Variants in RBFOX1 observed in about 807,000 individuals in gnomAD.
RBFOX1 encodes the protein RNA binding fox-1 homolog 1.
RBFOX1 carries 8 observed loss-of-function variants against 57.7 expected under a neutral mutation model. The ratio of observed to expected loss-of-function variants is 0.14; its 90% CI spans 0.08 to 0.25. The LOEUF (loss-of-function observed/expected upper bound fraction) is 0.25, where lower values mean the gene tolerates loss of function less well. RBFOX1 is among the 10% of genes least tolerant of loss of function. The probability of loss-of-function intolerance (pLI) is 1.00; values close to 1 mark genes in which losing one functional copy is unlikely to be tolerated. For missense variants in RBFOX1, 611 were observed against 548.5 expected, an observed-to-expected ratio of 1.11 and a Z score of -1.14; for synonymous variants, 326 against 222.4, an observed-to-expected ratio of 1.47 and a Z score of -4.15.
intron 4 of RBFOX1, among the ~76,000 whole-genome samples, chr16:5,893,314 A>T (rs1209518843): frequency 4.6e-5 from 7 of 152,234 alleles, no homozygotes; most frequent in Non-Finnish European, 1.0e-4. Flanking sequence ...GTGAATGGGC[A>T]CAAAAAATAG....
intron 3 of RBFOX1, among the ~76,000 whole-genome samples, chr16:5,641,792 A>T (rs1316386576): frequency 1.3e-5 from 2 of 152,194 alleles, no homozygotes; most frequent in African/African-American, 4.8e-5. Context: ...AGTGCATCTC[A>T]AACTGTATGC....
At chr16:7,035,354 C>T (rs1213830237) in intron 3 of RBFOX1, among the ~76,000 whole-genome samples, 2 of 152,140 alleles carry the variant, frequency 1.3e-5, no homozygotes, top group East Asian at 1.9e-4. Flanking sequence ...CCACAGTTCC[C>T]TGTGATTATC....
intron 3 of RBFOX1, among the ~76,000 whole-genome samples, chr16:6,680,373 C>T (rs971266076): frequency 1.3e-5 from 2 of 150,588 alleles, no homozygotes; most frequent in South Asian, 4.2e-4. Flanking sequence ...CGCCATTCTC[C>T]TGCCTCAGCC....
chr16:5,849,135 G>C (rs1252582200), intron 3 of RBFOX1, among the ~76,000 whole-genome samples: 1 of 151,998 alleles, frequency 6.6e-6, no homozygotes, highest in Non-Finnish European at 1.5e-5. Context: ...AGCGTCGTTG[G>C]GGTCAGAGAT....
chr16:6,442,597 G>T (rs756406319), intron 2 of RBFOX1, among the ~76,000 whole-genome samples: 1 of 151,830 alleles, frequency 6.6e-6, no homozygotes, highest in African/African-American at 2.4e-5. Flanking sequence ...GTGTTCCTCT[G>T]CTGTCTTCCT....
chr16:7,145,089 AG>A (rs2074667156), intron 4 of RBFOX1, among the ~76,000 whole-genome samples: 1 of 152,242 alleles, frequency 6.6e-6, no homozygotes, highest in African/African-American at 2.4e-5. Context: ...CTAGCTTGAC[AG>A]TGATCCCTTT....
At chr16:5,608,577 A>T (rs1048165365) in intron 3 of RBFOX1, among the ~76,000 whole-genome samples, 1 of 152,262 alleles carries the variant, frequency 6.6e-6, no homozygotes, top group African/African-American at 2.4e-5. Flanking sequence ...TGAGGATTCA[A>T]CGAGTTAATA....
chr16:7,658,030 G>GTGGGGGATATA (rs1174827522), intron 12 of RBFOX1, among the ~76,000 whole-genome samples: 1 of 152,206 alleles, frequency 6.6e-6, no homozygotes, highest in East Asian at 1.9e-4. Context: ...TTAAGCGAGA[G>GTGGGGGATATA]TGGGGGATAT....
At chr16:7,042,048 G>A (rs966624322) in intron 3 of RBFOX1, among the ~76,000 whole-genome samples, 1 of 152,100 alleles carries the variant, frequency 6.6e-6, no homozygotes, top group Non-Finnish European at 1.5e-5. Flanking sequence ...GGAGAAAACT[G>A]GATCTACAGA....
At chr16:7,187,402 G>A (rs911361187) in intron 4 of RBFOX1, among the ~76,000 whole-genome samples, 5 of 151,836 alleles carry the variant, frequency 3.3e-5, no homozygotes, top group Non-Finnish European at 7.4e-5. Flanking sequence ...CTATAAGAAA[G>A]CCCTTGGCCA....
intron 4 of RBFOX1, chr16:7,304,544 C>G (rs539299470): frequency 9.9e-5 from 98 of 985,298 alleles, no homozygotes; most frequent in South Asian, 4.2e-4. Flanking sequence ...GATGGGTCCC[C>G]GCGCGTACTG....
At chr16:6,453,344 T>G (rs2094682797) in intron 2 of RBFOX1, among the ~76,000 whole-genome samples, 1 of 152,186 alleles carries the variant, frequency 6.6e-6, no homozygotes, top group African/African-American at 2.4e-5. Flanking sequence ...CTCGTATTTA[T>G]GAGTGAAAAC....
At chr16:5,802,230 T>C (rs1178893255) in intron 3 of RBFOX1, among the ~76,000 whole-genome samples, 2 of 152,134 alleles carry the variant, frequency 1.3e-5, no homozygotes, top group African/African-American at 2.4e-5. Flanking sequence ...CCTGAAATAA[T>C]TCCTCAGATT....
At chr16:6,902,305 C>G (rs968117889) in intron 3 of RBFOX1, among the ~76,000 whole-genome samples, 2 of 152,150 alleles carry the variant, frequency 1.3e-5, no homozygotes. Flanking sequence ...AAATGGAAAG[C>G]TACTCTTACT....
At chr16:7,227,820 TG>T (rs917507097) in intron 4 of RBFOX1, among the ~76,000 whole-genome samples, 1 of 152,222 alleles carries the variant, frequency 6.6e-6, no homozygotes, top group African/African-American at 2.4e-5. Context: ...GCTGCATGTG[TG>T]GGTAAGCCCA....
At chr16:6,780,480 A>T (rs1197470058) in intron 3 of RBFOX1, among the ~76,000 whole-genome samples, 5 of 96,010 alleles carry the variant, frequency 5.2e-5, no homozygotes, top group East Asian at 3.7e-4. Context: ...ATACATTTTT[A>T]TATATATTTA....
intron 4 of RBFOX1, chr16:7,510,133 G>A: frequency 1.0e-6 from 1 of 985,758 alleles, no homozygotes; most frequent in Non-Finnish European, 1.2e-6. Context: ...GATGTTGAGG[G>A]GGAGGTCAGC....
intron 2 of RBFOX1, among the ~76,000 whole-genome samples, chr16:6,415,074 C>G (rs2152977936): frequency 6.6e-6 from 1 of 151,896 alleles, no homozygotes; most frequent in East Asian, 1.9e-4. Flanking sequence ...GAAACCCCGT[C>G]TCTACTAAAA....
intron 1 of RBFOX1, among the ~76,000 whole-genome samples, chr16:6,232,762 G>C (rs2097473894): frequency 6.6e-6 from 1 of 152,154 alleles, no homozygotes; most frequent in South Asian, 2.1e-4. Context: ...TTAATGCAGT[G>C]ACCTCGAGGT....
Sources: gnomAD v4.1 joint callset for allele counts (sites outside exome capture counted in the v4.1 genomes callset) on GRCh38, gnomAD v4.1.1 for gene constraint, MANE v1.5 for transcripts, NCBI Gene and HGNC (gene_info 2026-07-23, HGNC 2026-07-21) for gene names.